Variants in ZFHX4 observed in about 807,000 individuals in gnomAD.
ZFHX4 encodes the protein zinc finger homeobox protein 4.
A neutral mutation model predicts 267.6 loss-of-function variants in ZFHX4; 56 were observed. The observed-to-expected ratio is 0.21, with a 90% CI of 0.17 to 0.26. ZFHX4 has a LOEUF of 0.26. ZFHX4 is among the 10% of genes least tolerant of loss of function. The pLI is 1.00. For synonymous variants in ZFHX4, 1,778 were observed against 1,665.6 expected (o/e 1.07, Z -1.64); for missense variants, 4,332 against 4,420.0 (o/e 0.98, Z 0.56).
chr8:76,725,906 T>C (rs1309128722), intron 3 of ZFHX4, among the ~76,000 whole-genome samples: 1 of 152,214 alleles, frequency 6.6e-6, no homozygotes, highest in East Asian at 1.9e-4. Context: ...AATCTGTTAA[T>C]ACCAGTTAGC....
At chr8:76,738,657 TCCTCCCTCCCTCCCTC>T (rs1290787927) in intron 3 of ZFHX4, among the ~76,000 whole-genome samples, 1 of 139,310 alleles carries the variant, frequency 7.2e-6, no homozygotes. Context: ...CTTCTTTCCT[TCCTCCCTCCCTCCCTC>T]CCTTCCTCCC....
intron 4 of ZFHX4, among the ~76,000 whole-genome samples, chr8:76,780,460 G>A (rs1810519330): frequency 6.6e-6 from 1 of 152,116 alleles, no homozygotes; most frequent in African/African-American, 2.4e-5. Context: ...TTGTAATAAG[G>A]ATGATGTTTT....
Position 76,855,570 on chromosome 8 carries a change from C to T in ZFHX4, c.8649C>T (p.Asp2883=). 6.2e-7 allele frequency: 1 copy of T among 1,613,892 alleles called. No homozygotes were observed. Among genetic ancestry groups the T allele is most frequent in the Non-Finnish European group, 8.5e-7 (1 of 1,179,862 alleles). Reference sequence around the variant, plus strand: ...TCAATGACAAAGATGGCGACCACGACCAAAGCTTTTACATCACAGATGACC... The same window carrying T: ...TCAATGACAAAGATGGCGACCACGATCAAAGCTTTTACATCACAGATGACC... ...IHFNDKDGDH[D]QSFYITDDPD... is the part of the protein sequence containing the mutation. The change falls in exon 10 of 11, where the codon GAC becomes GAT. Residue 2883 remains aspartate (D), a synonymous_variant. Transcript: ENST00000651372.
At chr8:76,734,616 T>A (rs765830186) in intron 3 of ZFHX4, among the ~76,000 whole-genome samples, 9 of 152,138 alleles carry the variant, frequency 5.9e-5, no homozygotes, top group Non-Finnish European at 1.3e-4. Context: ...ATGCTGAGTA[T>A]CACTGGATCA....
intron 5 of ZFHX4, among the ~76,000 whole-genome samples, chr8:76,837,199 G>A (rs1471426878): frequency 1.3e-5 from 2 of 152,108 alleles, no homozygotes; most frequent in Non-Finnish European, 2.9e-5. Flanking sequence ...CAAGTATTTA[G>A]TTGTTTAATA....
chr8:76,823,739 A>G (rs1049590560), intron 4 of ZFHX4, among the ~76,000 whole-genome samples: 1 of 152,230 alleles, frequency 6.6e-6, no homozygotes, highest in Non-Finnish European at 1.5e-5. Flanking sequence ...ATTTATTTCA[A>G]CAATTATCAT....
At chr8:76,797,886 A>ATGTGTGTGTGTG (rs10694486) in intron 4 of ZFHX4, among the ~76,000 whole-genome samples, 1 of 140,270 alleles carries the variant, frequency 7.1e-6, no homozygotes, top group East Asian at 2.1e-4. Flanking sequence ...GTGTGTCTGT[A>ATGTGTGTGTGTG]TGTGTGTGTG....
intron 4 of ZFHX4, among the ~76,000 whole-genome samples, chr8:76,808,933 TCACA>T (rs1196242716): frequency 1.4e-5 from 2 of 145,026 alleles, no homozygotes; most frequent in Non-Finnish European, 3.0e-5. Context: ...TCTCTCTCTC[TCACA>T]CACACACACA....
chr8:76,819,210 T>G (rs555301353), intron 4 of ZFHX4, among the ~76,000 whole-genome samples: 1 of 151,578 alleles, frequency 6.6e-6, no homozygotes, highest in South Asian at 2.1e-4. Context: ...AATGGGCTTT[T>G]GGTAGTTTTA....
intron 3 of ZFHX4, among the ~76,000 whole-genome samples, chr8:76,754,158 A>G (rs1007567816): frequency 1.3e-5 from 2 of 152,280 alleles, no homozygotes; most frequent in Middle Eastern, 3.4e-3. Context: ...GTATCTTTAC[A>G]TTCCTGATTA....
chr8:76,746,422 A>T (rs2131696180), intron 3 of ZFHX4, among the ~76,000 whole-genome samples: 1 of 152,336 alleles, frequency 6.6e-6, no homozygotes, highest in Non-Finnish European at 1.5e-5. Flanking sequence ...AACAAAAAAC[A>T]AACAAGAAAT....
intron 3 of ZFHX4, among the ~76,000 whole-genome samples, chr8:76,743,427 C>A (rs561790621): frequency 6.6e-6 from 1 of 152,174 alleles, no homozygotes; most frequent in Non-Finnish European, 1.5e-5. Context: ...CATGAACATG[C>A]GTGCCACCCA....
intron 3 of ZFHX4, among the ~76,000 whole-genome samples, chr8:76,732,309 GTAAC>G (rs1809041895): frequency 2.0e-5 from 3 of 152,172 alleles, no homozygotes; most frequent in Admixed American, 6.6e-5. Flanking sequence ...TCAGGTAAAA[GTAAC>G]TATTTTTCAA....
chr8:76,856,743 T>TC (rs955678623), intron 10 of ZFHX4, among the ~76,000 whole-genome samples: 24 of 151,872 alleles, frequency 1.6e-4, no homozygotes, highest in Admixed American at 2.6e-4. Context: ...TTTTTGTTTG[T>TC]CCCCCCCGCC....
At chr8:76,827,165 G>A (rs1393260868) in intron 4 of ZFHX4, among the ~76,000 whole-genome samples, 1 of 152,256 alleles carries the variant, frequency 6.6e-6, no homozygotes, top group Admixed American at 6.5e-5. Context: ...GTCAGGTGTA[G>A]ATGGTTTGGG....
intron 1 of ZFHX4, among the ~76,000 whole-genome samples, chr8:76,695,222 T>C (rs1807926280): frequency 6.6e-6 from 1 of 152,270 alleles, no homozygotes; most frequent in Non-Finnish European, 1.5e-5. Flanking sequence ...TATAAAATTA[T>C]TTTAAGGGAT....
At chr8:76,814,958 T>C (rs577465045) in intron 4 of ZFHX4, among the ~76,000 whole-genome samples, 23 of 152,236 alleles carry the variant, frequency 1.5e-4, no homozygotes, top group Non-Finnish European at 1.5e-5. Flanking sequence ...TAGAATAGCC[T>C]GTAATGGAGA....
chr8:76,831,209 T>C (rs1250315955), intron 4 of ZFHX4, among the ~76,000 whole-genome samples: 1 of 152,242 alleles, frequency 6.6e-6, no homozygotes, highest in Non-Finnish European at 1.5e-5. Flanking sequence ...TTTATTTTTA[T>C]TTTCATTAAT....
intron 3 of ZFHX4, among the ~76,000 whole-genome samples, chr8:76,724,073 A>G (rs1318289622): frequency 6.6e-6 from 1 of 152,152 alleles, no homozygotes; most frequent in Admixed American, 6.6e-5. Context: ...AAGGCATTCT[A>G]GAAATGGCTG....
Sources: allele counts gnomAD v4.1 joint callset (sites outside exome capture counted in the v4.1 genomes callset), GRCh38; gene constraint gnomAD v4.1.1; transcripts MANE v1.5; gene names NCBI Gene and HGNC (gene_info 2026-07-23, HGNC 2026-07-21).